STK32C: variants seen among roughly 807,000 people sequenced by gnomAD.
The protein encoded by STK32C is serine/threonine-protein kinase 32C.
Under a neutral mutation model 56.5 loss-of-function variants are expected in STK32C, and 31 were observed. That is an observed-to-expected ratio of 0.55 (90% CI 0.41 to 0.74). The LOEUF (loss-of-function observed/expected upper bound fraction) is 0.74. Among genes scored for constraint, STK32C ranks in the 30% least tolerant of loss-of-function variants. The probability of loss-of-function intolerance (pLI) is 0.00; values close to 1 mark genes in which losing one functional copy is unlikely to be tolerated. For missense variants in STK32C, 544 were observed against 676.9 expected, an observed-to-expected ratio of 0.80 and a Z score of 2.18; for synonymous variants, 309 against 289.4, an observed-to-expected ratio of 1.07 and a Z score of -0.69.
At position 132,222,875 on chromosome 10, in the gene STK32C, C is replaced by T. The variant is rs749687889; in HGVS notation, c.1105G>A (p.Gly369Ser). Residue 369 changes from glycine (G) to serine (S), a missense_variant, in exon 9 of 12, where the codon GGC (glycine) becomes AGC (serine). Gly to Ser is a moderately conservative substitution (Grantham distance 56). Transcript: ENST00000298630. ...DHLSEKRVEP[G>S]FVPNKGRLHC... Reference sequence around the variant, plus strand: ...CACAGGCTTACGTTGGGCACGAAGCCCGGCTCCACCCTCTTCTCGCTCAGG... The same window carrying T: ...CACAGGCTTACGTTGGGCACGAAGCTCGGCTCCACCCTCTTCTCGCTCAGG... The T allele has an allele frequency of 1.3e-6, 2 of 1,579,210 alleles. No individual in the cohort carries two copies. The highest frequency in any genetic ancestry group is 2.3e-5 in the East Asian group (1 of 42,610).
Position 132,208,940 on chromosome 10 carries a change from C to T in STK32C, c.1319+94G>A, listed in dbSNP as rs1007813130. 2.8e-5 allele frequency: 34 copies of T among 1,227,390 alleles called. No individual in the cohort carries two copies. The South Asian group carries it at 3.6e-4, about 13-fold the overall frequency. The allele number at this position is 1,227,390 out of a possible 1,614,324, so 76.0% of individuals were successfully genotyped here. On this transcript the variant is annotated intron_variant, in intron 11 of 11. Transcript: ENST00000298630. ...AGAGCAGGGCCACGCACCCCAGGCC[C>T]ACAGGTGCCCGCTCACGTGGCCAAG...
intron 1 of STK32C, among the ~76,000 whole-genome samples, chr10:132,325,800 C>CA (rs1366425683): frequency 6.6e-6 from 1 of 150,700 alleles, no homozygotes; most frequent in Non-Finnish European, 1.5e-5. Flanking sequence ...CGGCTCACTG[C>CA]AAGCTCCGCC....
At chr10:132,318,614 C>CA (rs1301677037) in intron 1 of STK32C, among the ~76,000 whole-genome samples, 1 of 135,848 alleles carries the variant, frequency 7.4e-6, no homozygotes, top group Non-Finnish European at 1.6e-5. Flanking sequence ...GACCTTGCCT[C>CA]AAAAAACAAA....
chr10:132,248,221 AG>A (rs1370042680), intron 1 of STK32C, among the ~76,000 whole-genome samples: 1 of 152,262 alleles, frequency 6.6e-6, no homozygotes, highest in African/African-American at 2.4e-5. Flanking sequence ...GTTAAAGGAA[AG>A]TCAGCTGTGA....
At position 132,209,022 on chromosome 10, in the gene STK32C, C is replaced by CA. The variant is rs1565056329; in HGVS notation, c.1319+11dup. 2 of 1,613,110 alleles carry CA rather than the reference C, an allele frequency of 1.2e-6. No individual in the cohort carries two copies. Among genetic ancestry groups the CA allele is most frequent in the Non-Finnish European group, 1.7e-6 (2 of 1,179,388 alleles). On this transcript the variant is annotated intron_variant, in intron 11 of 11. Transcript: ENST00000298630. ...CTCTGCCACCACGCCCACCCACCCC[C>CA]AACACACTCACTTTTCTCTGTTAAA...
At chr10:132,282,110 G>T (rs1203266373) in intron 1 of STK32C, among the ~76,000 whole-genome samples, 20 of 152,246 alleles carry the variant, frequency 1.3e-4, no homozygotes, top group African/African-American at 4.3e-4. Flanking sequence ...GCTGGGCGGG[G>T]AGGCGCTACA....
chr10:132,225,354 G>A lies in STK32C; in HGVS notation c.773-18C>T, dbSNP rs1224918492. ...CTCCGGAGCTTTCCGACAGAAAGAAGGAAAAACAGCTGCCACGGGGTCACA... is the reference window on the plus strand; with the variant it reads ...CTCCGGAGCTTTCCGACAGAAAGAAAGAAAAACAGCTGCCACGGGGTCACA... On this transcript the variant is annotated intron_variant, in intron 6 of 11. Transcript: ENST00000298630. 6.2e-7 allele frequency: 1 copy of A among 1,601,652 alleles called. No homozygotes were observed.
intron 10 of STK32C, among the ~76,000 whole-genome samples, chr10:132,217,856 A>C (rs2062518536): frequency 3.9e-5 from 6 of 152,130 alleles, no homozygotes; most frequent in Admixed American, 3.9e-4. Flanking sequence ...AAATCCATTA[A>C]ACCTTTTTCC....
At chr10:132,252,540 C>T (rs898028876) in intron 1 of STK32C, among the ~76,000 whole-genome samples, 1 of 152,350 alleles carries the variant, frequency 6.6e-6, no homozygotes, top group Middle Eastern at 3.4e-3. Context: ...GACGCAGCTC[C>T]CCACAATCCC....
At chr10:132,250,002 T>C (rs1358386117) in intron 1 of STK32C, among the ~76,000 whole-genome samples, 1 of 152,242 alleles carries the variant, frequency 6.6e-6, no homozygotes, top group Non-Finnish European at 1.5e-5. Context: ...CAGCTTCCTG[T>C]GGGCTTTGAG....
At chr10:132,257,019 C>T (rs1483272361) in intron 1 of STK32C, among the ~76,000 whole-genome samples, 1 of 152,176 alleles carries the variant, frequency 6.6e-6, no homozygotes, top group Non-Finnish European at 1.5e-5. Flanking sequence ...AGCAGAACAG[C>T]CCAGGAAGGA....
chr10:132,283,761 G>A lies in STK32C; in HGVS notation c.262+23811C>T, dbSNP rs147748835. Reference sequence around the variant, plus strand: ...TGCCATACACGTCCGACTCCGCTGCGCCTGAGACTGAGAAACACAGCTGCT... The same window carrying A: ...TGCCATACACGTCCGACTCCGCTGCACCTGAGACTGAGAAACACAGCTGCT... On this transcript the variant is annotated intron_variant, in intron 1 of 11. Transcript: ENST00000298630. Among the ~76,000 whole-genome samples the A allele has an allele frequency of 3.9e-4, 60 of 152,262 alleles. 1 individual carries two copies. Among genetic ancestry groups the A allele is most frequent in the Non-Finnish European group, 7.4e-4 (50 of 68,006 alleles).
chr10:132,245,644 G>A (rs958897179), intron 2 of STK32C, among the ~76,000 whole-genome samples: 4 of 152,252 alleles, frequency 2.6e-5, no homozygotes, highest in Non-Finnish European at 5.9e-5. Context: ...AGCCAAAGCT[G>A]CGATTTTGTC....
intron 1 of STK32C, among the ~76,000 whole-genome samples, chr10:132,285,611 A>G (rs945061440): frequency 2.6e-5 from 4 of 152,258 alleles, no homozygotes; most frequent in Admixed American, 1.3e-4. Flanking sequence ...AACATTTCCT[A>G]AAAGGTTTAA....
intron 1 of STK32C, among the ~76,000 whole-genome samples, chr10:132,286,499 C>T (rs934055768): frequency 6.6e-5 from 10 of 152,102 alleles, no homozygotes; most frequent in Admixed American, 4.6e-4. Flanking sequence ...AGGCCAATAT[C>T]CCTAATGAAC....
At chr10:132,286,829 CT>C in intron 1 of STK32C, among the ~76,000 whole-genome samples, 1 of 152,338 alleles carries the variant, frequency 6.6e-6, no homozygotes, top group Non-Finnish European at 1.5e-5. Context: ...CTGCTTCCCC[CT>C]AAGACCAGAA....
At chr10:132,247,061 C>A (rs539835283) in intron 1 of STK32C, among the ~76,000 whole-genome samples, 2 of 152,308 alleles carry the variant, frequency 1.3e-5, no homozygotes, top group South Asian at 4.1e-4. Flanking sequence ...CTGGAACAAC[C>A]CCCTACACAC....
At chr10:132,257,539 G>T (rs2138040696) in intron 1 of STK32C, among the ~76,000 whole-genome samples, 1 of 152,188 alleles carries the variant, frequency 6.6e-6, no homozygotes, top group East Asian at 1.9e-4. Context: ...GGGCGGAGCT[G>T]CGAAGGAGTG....
intron 1 of STK32C, among the ~76,000 whole-genome samples, chr10:132,280,030 A>G (rs1042324060): frequency 1.1e-4 from 15 of 134,566 alleles, no homozygotes; most frequent in Non-Finnish European, 1.9e-4. Flanking sequence ...CTCCATGATC[A>G]GGACACTCCA....
Sources: allele counts gnomAD v4.1 joint callset (sites outside exome capture counted in the v4.1 genomes callset), GRCh38; gene constraint gnomAD v4.1.1; transcripts MANE v1.5; gene names NCBI Gene and HGNC (gene_info 2026-07-23, HGNC 2026-07-21).